The following PDE4D variants were observed in gnomAD, a reference collection of about 807,000 sequenced individuals.
PDE4D encodes the protein 3',5'-cyclic-AMP phosphodiesterase 4D.
A neutral mutation model predicts 87.4 loss-of-function variants in PDE4D; 24 were observed. The ratio of observed to expected loss-of-function variants is 0.27; its 90% CI spans 0.20 to 0.39. The LOEUF (loss-of-function observed/expected upper bound fraction) is 0.39. Among genes scored for constraint, PDE4D ranks in the 10% least tolerant of loss-of-function variants. The pLI, the probability that PDE4D is intolerant of heterozygous loss-of-function variation, is 1.00. For missense variants in PDE4D, 714 were observed against 1,041.0 expected, an observed-to-expected ratio of 0.69 and a Z score of 4.32; for synonymous variants, 384 against 383.2, an observed-to-expected ratio of 1.00 and a Z score of -0.02.
intron 1 of PDE4D, among the ~76,000 whole-genome samples, chr5:60,414,507 A>AT (rs1364666108): frequency 6.6e-6 from 1 of 152,234 alleles, no homozygotes; most frequent in African/African-American, 2.4e-5. Context: ...TGGACCTATT[A>AT]TAAAAATTCT....
chr5:59,601,849 A>G (rs1001505268), intron 1 of PDE4D, among the ~76,000 whole-genome samples: 7 of 152,168 alleles, frequency 4.6e-5, no homozygotes, highest in Non-Finnish European at 1.0e-4. Context: ...TTTTTCTAAA[A>G]GAATAACTAA....
intron 1 of PDE4D, among the ~76,000 whole-genome samples, chr5:59,343,165 T>C (rs1011188600): frequency 1.1e-4 from 16 of 152,100 alleles, no homozygotes; most frequent in Non-Finnish European, 2.1e-4. Context: ...CCATGTGGTC[T>C]CATTATTTAG....
At chr5:59,357,555 T>C (rs1781586248) in intron 1 of PDE4D, among the ~76,000 whole-genome samples, 1 of 152,196 alleles carries the variant, frequency 6.6e-6, no homozygotes, top group Non-Finnish European at 1.5e-5. Flanking sequence ...AAGGAGATGC[T>C]GCGTCACCTT....
intron 2 of PDE4D, among the ~76,000 whole-genome samples, chr5:60,116,701 TC>T (rs1002154874): frequency 2.0e-5 from 3 of 151,770 alleles, no homozygotes; most frequent in African/African-American, 7.3e-5. Context: ...CTTAAAGACA[TC>T]AGAAACGAGA....
intron 5 of PDE4D, among the ~76,000 whole-genome samples, chr5:59,115,354 T>C (rs1318141283): frequency 6.6e-6 from 1 of 152,200 alleles, no homozygotes. Context: ...TAGCTATGTC[T>C]GTGGTTTTCA....
rs180885181 is a variant in PDE4D, at chr5:59,689,967, A to G, written c.455+203201T>C. 7.8e-3 allele frequency among the ~76,000 whole-genome samples: 1,183 copies of G among 152,314 alleles called. 6 individuals carry two copies. The highest frequency in any genetic ancestry group is 0.012 in the Non-Finnish European group (803 of 68,016). On this transcript the variant is annotated intron_variant, in intron 1 of 14. Coordinates refer to ENST00000340635, the MANE Select transcript of PDE4D (RefSeq NM_001104631.2). ...AATCCGAAGTGAACTCCAATTCACA[A>G]TTGCTTCAAAGAGAATAAAACACCT...
At chr5:59,147,817 G>A (rs988347852) in intron 5 of PDE4D, among the ~76,000 whole-genome samples, 3 of 152,022 alleles carry the variant, frequency 2.0e-5, no homozygotes, top group Non-Finnish European at 4.4e-5. Context: ...AAAGTCCAGC[G>A]AAATACAGTA....
intron 2 of PDE4D, among the ~76,000 whole-genome samples, chr5:60,068,766 T>G (rs1271381957): frequency 6.6e-6 from 1 of 152,034 alleles, no homozygotes. Context: ...TCCAGCTAAT[T>G]TTTTCTTTAA....
chr5:59,428,945 T>C (rs1582559047), intron 1 of PDE4D, among the ~76,000 whole-genome samples: 1 of 152,208 alleles, frequency 6.6e-6, no homozygotes, highest in African/African-American at 2.4e-5. Context: ...ATACTAATTA[T>C]TGTAAAATGC....
At chr5:59,214,336 C>T (rs1379837487) in intron 2 of PDE4D, among the ~76,000 whole-genome samples, 2 of 152,100 alleles carry the variant, frequency 1.3e-5, no homozygotes, top group African/African-American at 4.8e-5. Context: ...TTGAAATTTT[C>T]TTCTCTCTTG....
chr5:59,561,965 T>A (rs1043109234), intron 1 of PDE4D, among the ~76,000 whole-genome samples: 3 of 151,860 alleles, frequency 2.0e-5, no homozygotes, highest in African/African-American at 7.3e-5. Flanking sequence ...AAATGTAGAT[T>A]AACTCCTGAA....
At chr5:59,204,229 T>A (rs1748225877) in intron 2 of PDE4D, among the ~76,000 whole-genome samples, 1 of 152,086 alleles carries the variant, frequency 6.6e-6, no homozygotes, top group Non-Finnish European at 1.5e-5. Context: ...CAAAAATCCT[T>A]AATTTTTGGC....
chr5:59,762,395 CACATGT>C (rs1762155761), intron 1 of PDE4D, among the ~76,000 whole-genome samples: 1 of 127,092 alleles, frequency 7.9e-6, no homozygotes, highest in African/African-American at 3.2e-5. Context: ...TATATGGGTA[CACATGT>C]GTATATGTGT....
intron 2 of PDE4D, among the ~76,000 whole-genome samples, chr5:60,048,529 C>T (rs537731960): frequency 1.8e-4 from 28 of 152,170 alleles, no homozygotes; most frequent in Admixed American, 1.8e-3. Context: ...ATGTTTAGTG[C>T]TTCCTTCAGG....
chr5:59,036,154 G>A (rs1042569602), intron 6 of PDE4D, among the ~76,000 whole-genome samples: 1 of 152,204 alleles, frequency 6.6e-6, no homozygotes, highest in African/African-American at 2.4e-5. Context: ...AAATGGGTTT[G>A]AGGAATCAGT....
Position 58,974,338 on chromosome 5 carries a change from G to A in PDE4D, c.*326C>T, listed in dbSNP as rs909403593. The A allele has an allele frequency of 6.6e-5, 13 of 197,324 alleles. No individual in the cohort carries two copies. The highest frequency in any genetic ancestry group is 9.2e-5 in the African/African-American group (4 of 43,358). The allele number at this position is 197,324 out of a possible 1,614,324, so 12.2% of individuals were successfully genotyped here. On this transcript the variant is annotated 3_prime_UTR_variant, in exon 15 of 15. Transcript: ENST00000340635. ...AAATAAAAAGGAATAGAAACCCCAA[G>A]TCCAATAAACTTTTGGGCTGCCTGA...
intron 5 of PDE4D, among the ~76,000 whole-genome samples, chr5:59,176,247 C>G (rs1404991011): frequency 6.6e-6 from 1 of 151,680 alleles, no homozygotes; most frequent in Admixed American, 6.6e-5. Context: ...CTTTAAAACC[C>G]TAATGCTATA....
intron 1 of PDE4D, among the ~76,000 whole-genome samples, chr5:59,873,096 T>C (rs1039977078): frequency 6.6e-6 from 1 of 152,188 alleles, no homozygotes; most frequent in African/African-American, 2.4e-5. Context: ...CCTCCTCATG[T>C]ATACAAAACA....
At position 60,323,938 on chromosome 5, in the gene PDE4D, A is replaced by G. The variant is rs576188017; in HGVS notation, c.-89-138251T>C. On this transcript the variant is annotated intron_variant, in intron 1 of 16. Transcript: ENST00000502484. ...TTCCCTCTGAGGTAATATGGCCCCA[A>G]CAAGAACTAACTCTCTCATTAATTT... Among the ~76,000 whole-genome samples the G allele has an allele frequency of 9.2e-5, 14 of 152,180 alleles. No individual in the cohort carries two copies. The East Asian group carries it at 2.7e-3, about 29-fold the overall frequency.
Sources: gnomAD v4.1 joint callset for allele counts (sites outside exome capture counted in the v4.1 genomes callset) on GRCh38, gnomAD v4.1.1 for gene constraint, MANE v1.5 for transcripts, NCBI Gene and HGNC (gene_info 2026-07-23, HGNC 2026-07-21) for gene names.